Variants in WDR35 observed in about 807,000 individuals in gnomAD.
WDR35 encodes the protein WD repeat domain 35, also known as WD repeat-containing protein 35.
Under a neutral mutation model 158.3 loss-of-function variants are expected in WDR35, and 118 were observed. The observed-to-expected ratio is 0.75, with a 90% CI of 0.64 to 0.87. The LOEUF (loss-of-function observed/expected upper bound fraction) is 0.87, where lower values mean the gene tolerates loss of function less well. Ranked by LOEUF, WDR35 falls within the 40% of genes least tolerant of loss-of-function variation. The pLI, the probability that WDR35 is intolerant of heterozygous loss-of-function variation, is 0.00. For synonymous variants in WDR35, 448 were observed against 476.1 expected (o/e 0.94, Z 0.77); for missense variants, 1,263 against 1,405.8 (o/e 0.90, Z 1.62).
intron 16 of WDR35, 53 bp from the exon 17 acceptor site, chr2:19,941,892 T>A: frequency 7.8e-7 from 1 of 1,275,668 alleles, no homozygotes; most frequent in Non-Finnish European, 1.1e-6. Context: ...TCCTCTCTTT[T>A]AACAAATCAT....
At chr2:19,918,492 C>T (rs1292863847) in intron 25 of WDR35, among the ~76,000 whole-genome samples, 1 of 152,016 alleles carries the variant, frequency 6.6e-6, no homozygotes, top group African/African-American at 2.4e-5. Context: ...TGCAGGAGAC[C>T]CATCTCACGG....
rs373519021 is a variant in WDR35, at chr2:19,948,211, T to C, written c.1477A>G (p.Arg493Gly). The change falls in exon 14 of 27, where the codon AGG becomes GGG. Residue 493 changes from arginine to glycine, a missense_variant. Arg to Gly is a moderately radical substitution (Grantham distance 125). Transcript: ENST00000281405. ...LDYSKTIQGT[R>G]DPICAITASD... ...GCAGTTATGGCACAAATTGGATCCC[T>C]TGTGCCCTAAAATAAATTAATCAAT... 7 of 1,610,326 alleles carry C rather than the reference T, an allele frequency of 4.3e-6. No homozygotes were observed. The highest frequency in any genetic ancestry group is 5.9e-6 in the Non-Finnish European group (7 of 1,178,936).
chr2:19,966,935 G>A, intron 9 of WDR35, 26 bp from the exon 10 acceptor site: 1 of 1,606,790 alleles, frequency 6.2e-7, no homozygotes, highest in Non-Finnish European at 8.5e-7. Context: ...GGAGGAAAGG[G>A]AAGGAGATTG....
chr2:19,970,293 T>C (rs756917003), intron 8 of WDR35, among the ~76,000 whole-genome samples: 1 of 152,220 alleles, frequency 6.6e-6, no homozygotes, highest in Non-Finnish European at 1.5e-5. Flanking sequence ...AATATTTTAT[T>C]AGCAAATTCA....
chr2:19,951,487 G>A lies in WDR35; in HGVS notation c.1401-3C>T. 1 of 1,608,028 alleles carries A rather than the reference G, an allele frequency of 6.2e-7. No homozygotes were observed. Among genetic ancestry groups the A allele is most frequent in the South Asian group, 1.1e-5 (1 of 90,242 alleles). On this transcript the variant is annotated splice_polypyrimidine_tract_variant and splice_region_variant and intron_variant, in intron 12 of 26. Transcript: ENST00000281405. ...GGGTATCATCAACATGATAAATTCT[G>A]CAAAAAAGATCAGAATTTCAAAGAA...
rs565164269 is a variant in WDR35 at position 19,938,156 on chromosome 2, G to A, written c.2063+109C>T. 5 of 1,489,976 alleles carry A rather than the reference G, an allele frequency of 3.4e-6. No individual in the cohort carries two copies. The South Asian group carries it at 5.9e-5, about 18-fold the overall frequency. 92.3% of individuals were successfully genotyped at this position (1,489,976 alleles called of 1,614,324 possible). ...TTCTACATCTTAAAAAGAAGAGCAAGAATGGAAGTCTGCTCCCATCAGGAG... is the reference window on the plus strand; with the variant it reads ...TTCTACATCTTAAAAAGAAGAGCAAAAATGGAAGTCTGCTCCCATCAGGAG... On this transcript the variant is annotated intron_variant, in intron 18 of 26. Transcript: ENST00000281405.
chr2:19,974,290 T>C (rs1309703565), intron 7 of WDR35, among the ~76,000 whole-genome samples, 178 bp downstream of exon 7: 1 of 151,498 alleles, frequency 6.6e-6, no homozygotes, highest in Non-Finnish European at 1.5e-5. Flanking sequence ...CGCCCTGTAG[T>C]CCCAGCTACT....
At chr2:19,927,646 A>G (rs917242185) in intron 25 of WDR35, among the ~76,000 whole-genome samples, 1 of 152,258 alleles carries the variant, frequency 6.6e-6, no homozygotes, top group African/African-American at 2.4e-5. Flanking sequence ...GCTCTTAACA[A>G]GATCAAAATT....
intron 17 of WDR35, among the ~76,000 whole-genome samples, chr2:19,939,838 G>T (rs1670812739): frequency 6.6e-6 from 1 of 151,788 alleles, no homozygotes; most frequent in South Asian, 2.1e-4. Flanking sequence ...CTCTGTATCA[G>T]ATCCTTGCTA....
rs760149345 is a variant in WDR35 at position 19,966,773 on chromosome 2, C to A, written c.1145G>T (p.Cys382Phe). ...TGTAGCCAAAATGCAGAAATCTCCACAGGTAGTAATAGAAATGAGACCCTT... is the reference window on the plus strand; with the variant it reads ...TGTAGCCAAAATGCAGAAATCTCCAAAGGTAGTAATAGAAATGAGACCCTT... ...YVKGLISITTCGDFCILATKA... is the reference protein window; with the variant it reads ...YVKGLISITTFGDFCILATKA... Residue 382 changes from cysteine (C) to phenylalanine (F), a missense_variant, in exon 10 of 27, where the codon TGT (cysteine) becomes TTT (phenylalanine). Coordinates refer to ENST00000281405, the MANE Select transcript of WDR35 (RefSeq NM_020779.4). The A allele has an allele frequency of 6.2e-7, 1 of 1,613,982 alleles. No homozygotes were observed. Among genetic ancestry groups the A allele is most frequent in the Non-Finnish European group, 8.5e-7 (1 of 1,179,946 alleles).
intron 10 of WDR35, among the ~76,000 whole-genome samples, chr2:19,965,746 G>A (rs972599130): frequency 6.6e-6 from 1 of 152,180 alleles, no homozygotes; most frequent in African/African-American, 2.4e-5. Context: ...AGCTGCCTGT[G>A]GACTCAGTAT....
At chr2:19,974,698 CAA>C in intron 6 of WDR35, 65 bp from the exon 7 acceptor site, 1 of 1,447,780 alleles carries the variant, frequency 6.9e-7, no homozygotes, top group East Asian at 2.5e-5. Context: ...AGACAATACT[CAA>C]TAGAGTATTG....
In WDR35 at chr2:19,930,580, C is replaced by T. The variant is rs764418927; in HGVS notation, c.2965-28G>A. 10 of 1,613,438 alleles carry T rather than the reference C, an allele frequency of 6.2e-6. No individual in the cohort carries two copies. The East Asian group carries it at 1.6e-4, about 25-fold the overall frequency. ...ACGAGTAAAGTCAGCCCACACTTTC[C>T]GTCAGCACAAACGCACACACAGTGT... On this transcript the variant is annotated intron_variant, in intron 24 of 26. Coordinates refer to ENST00000281405, the MANE Select transcript of WDR35 (RefSeq NM_020779.4).
intron 2 of WDR35, among the ~76,000 whole-genome samples, chr2:19,983,662 A>G (rs1672459674): frequency 6.6e-6 from 1 of 152,194 alleles, no homozygotes; most frequent in African/African-American, 2.4e-5. Context: ...TTCAGATAAC[A>G]AGTATCTTAA....
In WDR35 at chr2:19,978,838, C is replaced by A. The variant is rs1453914601; in HGVS notation, c.349G>T (p.Val117Phe). 6.2e-7 allele frequency: 1 copy of A among 1,613,718 alleles called. No homozygotes were observed. Among genetic ancestry groups the A allele is most frequent in the East Asian group, 2.2e-5 (1 of 44,838 alleles). Reference sequence around the variant, plus strand: ...GCATTCCAGCTCATACTGCGAACAACTGATTTATTTCGATTGTTGATCATC... The same window carrying A: ...GCATTCCAGCTCATACTGCGAACAAATGATTTATTTCGATTGTTGATCATC... ...EEMINNRNKS[V>F]VRSMSWNADG... Residue 117 changes from valine to phenylalanine, a missense_variant, in exon 5 of 27, where the codon GTT becomes TTT. Coordinates refer to ENST00000281405, the MANE Select transcript of WDR35 (RefSeq NM_020779.4).
At chr2:19,979,308 A>C (rs760930638) in intron 4 of WDR35, among the ~76,000 whole-genome samples, 4 of 152,226 alleles carry the variant, frequency 2.6e-5, no homozygotes, top group Non-Finnish European at 5.9e-5. Context: ...ATATGCACAT[A>C]AACTCTCCAA....
Position 19,933,500 on chromosome 2 carries a change from T to C in WDR35, c.2559A>G (p.Gln853=), listed in dbSNP as rs1401949648. 1.9e-6 allele frequency: 3 copies of C among 1,613,498 alleles called. No individual in the cohort carries two copies. Among genetic ancestry groups the C allele is most frequent in the Non-Finnish European group, 1.7e-6 (2 of 1,179,780 alleles). Residue 853 remains glutamine (Q), a synonymous_variant, in exon 22 of 27, where the codon CAA becomes CAG. Transcript: ENST00000281405. ...CACACATTCCAACTCTGACAAACAT[T>C]TGTGCTATTTCCTGTACAAACAAAA... ...ENHKLLPEIA[Q]MFVRVGMCEQ...
Position 19,986,921 on chromosome 2 carries a change from T to C in WDR35, c.142+2244A>G, listed in dbSNP as rs560359431. On this transcript the variant is annotated intron_variant, in intron 2 of 26. Coordinates refer to ENST00000281405, the MANE Select transcript of WDR35 (RefSeq NM_020779.4). ...CCAGTGAATGCCATTTCTAGAGATTTATCGTAGAAAGTATTAACTATTTAT... is the reference window on the plus strand; with the variant it reads ...CCAGTGAATGCCATTTCTAGAGATTCATCGTAGAAAGTATTAACTATTTAT... Among the ~76,000 whole-genome samples the C allele has an allele frequency of 7.5e-3, 1,150 of 152,356 alleles. 16 individuals carry two copies. The highest frequency in any genetic ancestry group is 0.026 in the African/African-American group (1,064 of 41,578).
At chr2:19,961,558 T>C (rs1210156351) in intron 10 of WDR35, among the ~76,000 whole-genome samples, 1 of 152,106 alleles carries the variant, frequency 6.6e-6, no homozygotes, top group Non-Finnish European at 1.5e-5. Context: ...TCTTCAAAAA[T>C]TGCAAAAGGA....
Sources: gnomAD v4.1 joint callset for allele counts (sites outside exome capture counted in the v4.1 genomes callset) on GRCh38, gnomAD v4.1.1 for gene constraint, MANE v1.5 for transcripts, NCBI Gene and HGNC (gene_info 2026-07-23, HGNC 2026-07-21) for gene names.